Variants in NUP107 observed in about 807,000 individuals in gnomAD.
NUP107 encodes the protein nucleoporin 107, also known as nuclear pore complex protein Nup107.
In NUP107, 101 loss-of-function variants were observed where a neutral mutation model predicts 141.0. That is an observed-to-expected ratio of 0.72 (90% CI 0.61 to 0.84). The LOEUF is 0.84. NUP107 is among the 40% of genes least tolerant of loss of function. NUP107 has a pLI of 0.00. For synonymous variants in NUP107, 319 were observed against 363.9 expected, an observed-to-expected ratio of 0.88 and a Z score of 1.41; for missense variants, 941 against 1,102.7, an observed-to-expected ratio of 0.85 and a Z score of 2.08.
intron 18 of NUP107, among the ~76,000 whole-genome samples, chr12:68,726,234 T>A (rs911058675): frequency 1.3e-5 from 2 of 152,194 alleles, no homozygotes; most frequent in African/African-American, 4.8e-5. Context: ...ACTTACCATA[T>A]CTTTTAATCT....
Position 68,697,023 on chromosome 12 carries a change from G to A in NUP107, c.552+101G>A, listed in dbSNP as rs2546527. Reference sequence around the variant, plus strand: ...ATAGTGTTTAAGGGAGGTGTCTTAGGGGAACAGTGGCAGGAGTGGAGGGAA... The same window carrying A: ...ATAGTGTTTAAGGGAGGTGTCTTAGAGGAACAGTGGCAGGAGTGGAGGGAA... On this transcript the variant is annotated intron_variant, in intron 6 of 27. Transcript: ENST00000229179. The A allele has an allele frequency of 9.9e-6, 6 of 607,588 alleles. No homozygotes were observed. The East Asian group carries it at 1.4e-4, about 14-fold the overall frequency. 37.6% of individuals were successfully genotyped at this position (607,588 alleles called of 1,614,324 possible).
intron 10 of NUP107, among the ~76,000 whole-genome samples, chr12:68,711,324 C>T (rs1209927640): frequency 6.6e-6 from 1 of 152,008 alleles, no homozygotes; most frequent in African/African-American, 2.4e-5. Context: ...GCACTCCAGC[C>T]TGGGTGACAG....
At chr12:68,710,301 T>C (rs1226551385) in intron 10 of NUP107, among the ~76,000 whole-genome samples, 3 of 152,198 alleles carry the variant, frequency 2.0e-5, no homozygotes, top group Admixed American at 6.5e-5. Flanking sequence ...AAATATACAG[T>C]TGGCCCTCTG....
At chr12:68,735,758 A>G (rs1682793548) in intron 26 of NUP107, among the ~76,000 whole-genome samples, 1 of 152,072 alleles carries the variant, frequency 6.6e-6, no homozygotes, top group South Asian at 2.1e-4. Context: ...ACTCCCAGAG[A>G]TTATGGTGTA....
At chr12:68,728,787 A>G (rs1290388243) in intron 20 of NUP107, among the ~76,000 whole-genome samples, 1 of 151,762 alleles carries the variant, frequency 6.6e-6, no homozygotes, top group Non-Finnish European at 1.5e-5. Flanking sequence ...AATAAATAAT[A>G]AAAATCATAA....
chr12:68,721,231 AATATT>A, intron 15 of NUP107, 54 bp downstream of exon 15: 1 of 1,169,710 alleles, frequency 8.5e-7, no homozygotes, highest in Non-Finnish European at 1.3e-6. Flanking sequence ...AATTAAATAA[AATATT>A]CTAACAATTG....
At chr12:68,709,418 C>A in intron 9 of NUP107, 109 bp downstream of exon 9, 1 of 593,548 alleles carries the variant, frequency 1.7e-6, no homozygotes, top group South Asian at 2.6e-5. Flanking sequence ...AATTTTTTTT[C>A]TACTTGATCT....
At position 68,721,887 on chromosome 12, in the gene NUP107, TC is replaced by T; in HGVS notation, c.1360del (p.Arg454GlyfsTer2). ...DTWEDTVWAYFRVMVDSLVEQ... is the reference protein window; with the variant it reads ...DTWEDTVWAYXRVMVDSLVEQ... Reference sequence around the variant, plus strand: ...TGGGAAGACACAGTTTGGGCCTACTTCCGGGTGATGGTGGACAGTCTGGTAG... The same window carrying T: ...TGGGAAGACACAGTTTGGGCCTACTTCGGGTGATGGTGGACAGTCTGGTAG... On this transcript the variant is annotated frameshift_variant, in exon 16 of 28. Transcript: ENST00000229179. LOFTEE classifies it high-confidence loss of function. The T allele has an allele frequency of 1.2e-6, 2 of 1,614,100 alleles. No homozygotes were observed. Among genetic ancestry groups the T allele is most frequent in the Non-Finnish European group, 1.7e-6 (2 of 1,179,984 alleles).
intron 2 of NUP107, 77 bp from the exon 3 acceptor site, chr12:68,689,456 T>G: frequency 1.2e-6 from 1 of 825,544 alleles, no homozygotes. Flanking sequence ...ACATAATTTG[T>G]ATAGTAAAAA....
At chr12:68,739,633 C>G (rs919201333) in intron 26 of NUP107, 2 of 152,268 alleles carry the variant, frequency 1.3e-5, no homozygotes, top group Non-Finnish European at 2.9e-5. Flanking sequence ...GTCAGGAGAT[C>G]GAGACCATCC....
intron 20 of NUP107, among the ~76,000 whole-genome samples, chr12:68,729,047 C>T (rs1211915877): frequency 6.6e-6 from 1 of 152,056 alleles, no homozygotes; most frequent in Non-Finnish European, 1.5e-5. Context: ...TATAGTATTG[C>T]ACTAAAAAAA....
At position 68,745,627 on chromosome 12, in the gene NUP107, CAGT is replaced by C. The variant is rs1878497735; in HGVS notation, c.*3168_*3170del. 1 of 152,070 alleles carries C rather than the reference CAGT, an allele frequency of 6.6e-6. No individual in the cohort carries two copies. The highest frequency in any genetic ancestry group is 1.5e-5 in the Non-Finnish European group (1 of 68,024). 9.4% of individuals were successfully genotyped at this position (152,070 alleles called of 1,614,324 possible). A position where few individuals can be genotyped will look rare whatever the true frequency, so the allele number is the denominator to read the frequency against. ...TTTTTTCTCGAGTTGTAAGTGAACA[CAGT>C]AGCACTCGTTTACATTGTCAAGGGG... On this transcript the variant is annotated 3_prime_UTR_variant, in exon 28 of 28. Transcript: ENST00000229179.
intron 8 of NUP107, among the ~76,000 whole-genome samples, chr12:68,708,619 G>T (rs539910908): frequency 6.9e-6 from 1 of 145,698 alleles, no homozygotes; most frequent in Admixed American, 6.9e-5. Context: ...CTGTATTACA[G>T]TTTTTTTTTT....
In NUP107 at chr12:68,721,097, T is replaced by C. The variant is rs1277103508; in HGVS notation, c.1252-21T>C. On this transcript the variant is annotated intron_variant, in intron 14 of 27. Coordinates refer to ENST00000229179, the MANE Select transcript of NUP107 (RefSeq NM_020401.4). ...TAAGAAAAACAATATTTCAAATTTG[T>C]TTATATTCATTGTGTTTTAGGAGCT... 8 of 1,503,758 alleles carry C rather than the reference T, an allele frequency of 5.3e-6. No homozygotes were observed. In the Admixed American group the frequency reaches 1.3e-4, roughly 24 times the overall value. The allele number at this position is 1,503,758 out of a possible 1,614,324, so 93.2% of individuals were successfully genotyped here.
chr12:68,720,662 A>C (rs1877314543), intron 14 of NUP107, among the ~76,000 whole-genome samples: 3 of 152,178 alleles, frequency 2.0e-5, no homozygotes, highest in Non-Finnish European at 4.4e-5. Flanking sequence ...AGAATCCCAA[A>C]AGTAAAATGG....
chr12:68,740,726 A>G (rs1216278543), intron 26 of NUP107, among the ~76,000 whole-genome samples: 1 of 149,960 alleles, frequency 6.7e-6, no homozygotes, highest in Non-Finnish European at 1.5e-5. Flanking sequence ...TTTCCTTCCT[A>G]TTTTTAAGAT....
chr12:68,741,840 C>T lies in NUP107; in HGVS notation c.2530C>T (p.His844Tyr). Residue 844 changes from histidine to tyrosine, a missense_variant, in exon 27 of 28, where the codon CAT becomes TAT. By Grantham distance (83) the His-to-Tyr change is moderately conservative. Transcript: ENST00000229179. ...EDAKEDHERTHQMVLLRKLCL... is the reference protein window; with the variant it reads ...EDAKEDHERTYQMVLLRKLCL... The stretch of plus-strand genomic sequence containing the variant: ...TGCCAAAGAAGACCATGAAAGAACA[C>T]ATCAAATGGTCTTACTGAGAAAGCT... 6.2e-7 allele frequency: 1 copy of T among 1,613,108 alleles called. No homozygotes were observed. The highest frequency in any genetic ancestry group is 1.1e-5 in the South Asian group (1 of 90,880).
chr12:68,727,676 A>C (rs1877623582), intron 20 of NUP107, among the ~76,000 whole-genome samples: 2 of 152,134 alleles, frequency 1.3e-5, no homozygotes, highest in Admixed American at 1.3e-4. Context: ...CACAATTAAC[A>C]CATTTTGTAT....
chr12:68,691,973 T>A lies in NUP107; in HGVS notation c.309T>A (p.Thr103=), dbSNP rs1414154250. The A allele has an allele frequency of 1.3e-5, 20 of 1,592,830 alleles. No individual in the cohort carries two copies. Among genetic ancestry groups the A allele is most frequent in the Non-Finnish European group, 1.6e-5 (19 of 1,174,496 alleles). The part of the protein sequence containing the change: ...SGFFGNLSMV[T]NLDDSNWAAA... ...CTTTTTTGTTTTTTTTTAAGGTTAC[T>A]AATCTGGATGACAGTAACTGGGCAG... is the stretch of plus-strand genomic sequence containing the variant. The change falls in exon 5 of 28, where the codon ACT becomes ACA. Residue 103 remains threonine (T), a synonymous_variant. Coordinates refer to ENST00000229179, the MANE Select transcript of NUP107 (RefSeq NM_020401.4).
Sources: allele counts gnomAD v4.1 joint callset (sites outside exome capture counted in the v4.1 genomes callset), GRCh38; gene constraint gnomAD v4.1.1; transcripts MANE v1.5; gene names NCBI Gene and HGNC (gene_info 2026-07-23, HGNC 2026-07-21).